The following KCNIP3 variants were observed in gnomAD, a reference collection of about 807,000 sequenced individuals.
KCNIP3 encodes the protein calsenilin.
KCNIP3 carries 28 observed loss-of-function variants against 35.0 expected under a neutral mutation model. That is an observed-to-expected ratio of 0.80 (90% CI 0.59 to 1.10). The LOEUF is 1.10. KCNIP3 is among the 50% of genes least tolerant of loss of function. KCNIP3 has a pLI of 0.00. For missense variants in KCNIP3, 295 were observed against 338.4 expected, an observed-to-expected ratio of 0.87 and a Z score of 1.01; for synonymous variants, 134 against 133.8, an observed-to-expected ratio of 1.00 and a Z score of -0.01.
At chr2:95,370,718 C>G (rs1364082600) in intron 2 of KCNIP3, among the ~76,000 whole-genome samples, 2 of 152,020 alleles carry the variant, frequency 1.3e-5, no homozygotes, top group Non-Finnish European at 2.9e-5. Flanking sequence ...TTCTTAATGA[C>G]TTTATTATAA....
intron 2 of KCNIP3, among the ~76,000 whole-genome samples, chr2:95,370,186 T>C (rs1023303512): frequency 2.6e-5 from 4 of 152,240 alleles, no homozygotes; most frequent in African/African-American, 9.6e-5. Context: ...TTTTTTATTG[T>C]ATGTTGGACA....
In KCNIP3 at chr2:95,332,539, G is replaced by A. The variant is rs1251187382; in HGVS notation, c.181+22019G>A. ...CTAAAAGGAGTCCCAGAAAACAGGT[G>A]AGGGGACGGAGAGGAGGAGGTGTTC... is the stretch of plus-strand genomic sequence containing the variant. On this transcript the variant is annotated intron_variant, in intron 2 of 8. Coordinates refer to ENST00000295225, the MANE Select transcript of KCNIP3 (RefSeq NM_013434.5). Among the ~76,000 whole-genome samples, 3 of 152,268 alleles carry A rather than the reference G, an allele frequency of 2.0e-5. No individual in the cohort carries two copies. In the East Asian group the frequency reaches 5.8e-4, roughly 29 times the overall value.
At chr2:95,366,911 TTATA>T (rs780469257) in intron 2 of KCNIP3, among the ~76,000 whole-genome samples, 14 of 152,188 alleles carry the variant, frequency 9.2e-5, no homozygotes, top group Non-Finnish European at 1.2e-4. Context: ...TGAGACTTCT[TTATA>T]TATTCTGTAT....
chr2:95,324,643 T>C (rs1039057249), intron 2 of KCNIP3, among the ~76,000 whole-genome samples: 1 of 152,092 alleles, frequency 6.6e-6, no homozygotes, highest in Admixed American at 6.5e-5. Context: ...CCTGGCATGG[T>C]GGCTCACGCC....
chr2:95,301,749 G>GGCA (rs1445805763), intron 1 of KCNIP3, among the ~76,000 whole-genome samples: 7 of 152,212 alleles, frequency 4.6e-5, no homozygotes, highest in African/African-American at 1.4e-4. Context: ...CTCACTGCCA[G>GGCA]GCAGCATGGG....
In KCNIP3 at chr2:95,297,473, G is replaced by A; in HGVS notation, c.15+20G>A. The A allele has an allele frequency of 6.8e-7, 1 of 1,472,614 alleles. No homozygotes were observed. The highest frequency in any genetic ancestry group is 9.3e-7 in the Non-Finnish European group (1 of 1,078,768). The allele number at this position is 1,472,614 out of a possible 1,614,324, so 91.2% of individuals were successfully genotyped here. A position where few individuals can be genotyped will look rare whatever the true frequency, so the allele number is the denominator to read the frequency against. On this transcript the variant is annotated intron_variant, in intron 1 of 8. Coordinates refer to ENST00000295225, the MANE Select transcript of KCNIP3 (RefSeq NM_013434.5). Reference sequence around the variant, plus strand: ...GCTAAGGTAGGTGCTGGGGGAATGGGGTCTTGCTCTGGAGGGGGGTCGGGG... The same window carrying A: ...GCTAAGGTAGGTGCTGGGGGAATGGAGTCTTGCTCTGGAGGGGGGTCGGGG...
At chr2:95,303,123 C>T (rs77542077) in intron 1 of KCNIP3, 2 of 152,378 alleles carry the variant, frequency 1.3e-5, no homozygotes, top group African/African-American at 4.8e-5. Flanking sequence ...GGAGACTGAA[C>T]TAGCGGCTCG....
chr2:95,373,896 C>T (rs1208911011), intron 2 of KCNIP3, among the ~76,000 whole-genome samples: 1 of 152,322 alleles, frequency 6.6e-6, no homozygotes, highest in Admixed American at 6.5e-5. Flanking sequence ...TCAGGGAGGG[C>T]CACATGGAGG....
In KCNIP3 at chr2:95,374,565, C is replaced by T. The variant is rs958470732; in HGVS notation, c.306+145C>T. On this transcript the variant is annotated intron_variant, in intron 3 of 8. Coordinates refer to ENST00000295225, the MANE Select transcript of KCNIP3 (RefSeq NM_013434.5). Reference sequence around the variant, plus strand: ...AAAGCTGTGTGGCGGGGGCAGGCTCCGGAATGGGCATCGCTGAGGCCGCCA... The same window carrying T: ...AAAGCTGTGTGGCGGGGGCAGGCTCTGGAATGGGCATCGCTGAGGCCGCCA... 29 of 1,076,818 alleles carry T rather than the reference C, an allele frequency of 2.7e-5. No homozygotes were observed. In the East Asian group the frequency reaches 3.1e-4, roughly 12 times the overall value. The allele number at this position is 1,076,818 out of a possible 1,614,324, so 66.7% of individuals were successfully genotyped here. A position where few individuals can be genotyped will look rare whatever the true frequency, so the allele number is the denominator to read the frequency against.
At position 95,384,911 on chromosome 2, in the gene KCNIP3, C is replaced by T. The variant is rs1680457309; in HGVS notation, c.*862C>T. Reference sequence around the variant, plus strand: ...GGCTGTACACACCCTCCAGCACAGACTGTTCCCTCCAAGGTCCTCTTAGGT... The same window carrying T: ...GGCTGTACACACCCTCCAGCACAGATTGTTCCCTCCAAGGTCCTCTTAGGT... On this transcript the variant is annotated 3_prime_UTR_variant, in exon 9 of 9. Transcript: ENST00000295225. 1 of 152,594 alleles carries T rather than the reference C, an allele frequency of 6.6e-6. No homozygotes were observed. Among genetic ancestry groups the T allele is most frequent in the South Asian group, 2.1e-4 (1 of 4,834 alleles). The allele number at this position is 152,594 out of a possible 1,614,324, so 9.5% of individuals were successfully genotyped here. A position where few individuals can be genotyped will look rare whatever the true frequency, so the allele number is the denominator to read the frequency against.
chr2:95,381,360 A>G (rs1046980681), intron 5 of KCNIP3, among the ~76,000 whole-genome samples: 1 of 150,854 alleles, frequency 6.6e-6, no homozygotes. Flanking sequence ...CCCTCACACA[A>G]GTTCTCACAC....
chr2:95,373,615 G>A (rs1196286614), intron 2 of KCNIP3, among the ~76,000 whole-genome samples: 1 of 151,876 alleles, frequency 6.6e-6, no homozygotes, highest in African/African-American at 2.4e-5. Flanking sequence ...TTAGAGACGG[G>A]GTTTCACCGT....
intron 2 of KCNIP3, among the ~76,000 whole-genome samples, chr2:95,354,358 G>A (rs1446353002): frequency 1.3e-5 from 2 of 152,208 alleles, no homozygotes; most frequent in Admixed American, 6.5e-5. Flanking sequence ...ACCATAGCAC[G>A]CACTTATTGG....
intron 5 of KCNIP3, among the ~76,000 whole-genome samples, 163 bp from the exon 6 acceptor site, chr2:95,381,433 G>A (rs1478502332): frequency 7.9e-5 from 12 of 152,124 alleles, no homozygotes; most frequent in African/African-American, 2.7e-4. Context: ...GCTCACACAC[G>A]GGCACACACT....
intron 2 of KCNIP3, among the ~76,000 whole-genome samples, chr2:95,327,384 C>T (rs1308294616): frequency 3.3e-5 from 5 of 152,296 alleles, no homozygotes; most frequent in Middle Eastern, 3.4e-3. Flanking sequence ...TTCACACACA[C>T]GCACACATAC....
chr2:95,375,102 C>A (rs775339807), intron 4 of KCNIP3, 36 bp from the exon 5 acceptor site: 1 of 1,605,348 alleles, frequency 6.2e-7, no homozygotes, highest in Non-Finnish European at 8.5e-7. Flanking sequence ...GCCAGGCAGC[C>A]CCGACACACC....
Position 95,310,437 on chromosome 2 carries a change from AGAGGCC to A in KCNIP3, c.104_109del (p.Pro35_Arg36del). ...AGCAAGAAGGAGGGTATCAAGTGGC[AGAGGCC>A]GAGGCTCAGCCGCCAGGCTTTGATG... is the stretch of plus-strand genomic sequence containing the variant. On this transcript the variant is annotated inframe_deletion, in exon 2 of 9. Transcript: ENST00000295225. 6.2e-7 allele frequency: 1 copy of A among 1,613,500 alleles called. No individual in the cohort carries two copies. The highest frequency in any genetic ancestry group is 8.5e-7 in the Non-Finnish European group (1 of 1,179,704).
chr2:95,323,701 T>C, intron 2 of KCNIP3, among the ~76,000 whole-genome samples: 1 of 152,124 alleles, frequency 6.6e-6, no homozygotes, highest in South Asian at 2.1e-4. Flanking sequence ...GGATGCCACC[T>C]GTCTTCCAGG....
chr2:95,368,832 C>A, intron 2 of KCNIP3: 1 of 210,592 alleles, frequency 4.7e-6, no homozygotes, highest in East Asian at 1.1e-4. Context: ...ATGTCGTCAT[C>A]AGAGTTCTGA....
Sources: allele counts gnomAD v4.1 joint callset (sites outside exome capture counted in the v4.1 genomes callset), GRCh38; gene constraint gnomAD v4.1.1; transcripts MANE v1.5; gene names NCBI Gene and HGNC (gene_info 2026-07-23, HGNC 2026-07-21).